ASAP1: variants seen among roughly 807,000 people sequenced by gnomAD.
The protein encoded by ASAP1 is arf-GAP with SH3 domain, ANK repeat and PH domain-containing protein 1.
In ASAP1, 43 loss-of-function variants were observed where a neutral mutation model predicts 145.2. The observed-to-expected ratio is 0.30, with a 90% CI of 0.23 to 0.38. ASAP1 has a LOEUF of 0.38. ASAP1 is among the 10% of genes least tolerant of loss of function. The pLI is 1.00. For synonymous variants in ASAP1, 546 were observed against 515.5 expected (o/e 1.06, Z -0.80); for missense variants, 1,018 against 1,355.3 (o/e 0.75, Z 3.91).
At chr8:130,434,377 C>T (rs537219393) in intron 1 of ASAP1, among the ~76,000 whole-genome samples, 180 of 152,190 alleles carry the variant, frequency 1.2e-3, no homozygotes, top group African/African-American at 3.9e-3. Flanking sequence ...ACTATATGAC[C>T]TCAGGGAAGT....
At chr8:130,383,849 A>G (rs1399575660) in intron 2 of ASAP1, among the ~76,000 whole-genome samples, 1 of 152,174 alleles carries the variant, frequency 6.6e-6, no homozygotes, top group Non-Finnish European at 1.5e-5. Context: ...TAACTGATAC[A>G]GAAGAGCACC....
intron 5 of ASAP1, among the ~76,000 whole-genome samples, chr8:130,214,210 A>G (rs1816752483): frequency 6.6e-6 from 1 of 152,204 alleles, no homozygotes. Flanking sequence ...TTAAAAAGCA[A>G]AAGTTGCTAA....
chr8:130,232,621 T>C (rs16904223), intron 4 of ASAP1, among the ~76,000 whole-genome samples: 27,846 of 150,972 alleles, frequency 0.18, 3,196 homozygotes, highest in East Asian at 0.44. Context: ...AGACAATTTG[T>C]TTAAAAAAAA....
Position 130,053,391 on chromosome 8 carries a change from A to T in ASAP1, c.*1340T>A, listed in dbSNP as rs977672184. On this transcript the variant is annotated 3_prime_UTR_variant, in exon 30 of 30. Transcript: ENST00000518721. ...TCCAAAATTCAGACTGATGTAAAAG[A>T]CTGAAATACAATGTTCTTAAGGATC... 2.6e-5 allele frequency: 4 copies of T among 152,238 alleles called. No individual in the cohort carries two copies. The highest frequency in any genetic ancestry group is 2.0e-4 in the Admixed American group (3 of 15,280). 9.4% of individuals were successfully genotyped at this position (152,238 alleles called of 1,614,324 possible).
At chr8:130,279,181 G>A (rs779034041) in intron 3 of ASAP1, among the ~76,000 whole-genome samples, 2 of 152,056 alleles carry the variant, frequency 1.3e-5, no homozygotes, top group African/African-American at 2.4e-5. Context: ...AGAAGTACAC[G>A]AATCCTACAC....
intron 4 of ASAP1, among the ~76,000 whole-genome samples, chr8:130,228,433 T>A (rs1208874201): frequency 1.3e-5 from 2 of 152,040 alleles, no homozygotes; most frequent in Non-Finnish European, 2.9e-5. Flanking sequence ...CCAGGAGCAG[T>A]GGCTTACGCT....
chr8:130,266,295 G>A (rs776357891), intron 3 of ASAP1, among the ~76,000 whole-genome samples: 11 of 152,074 alleles, frequency 7.2e-5, no homozygotes, highest in Non-Finnish European at 1.5e-4. Context: ...CACCTGAGTG[G>A]AATCCACTCT....
intron 22 of ASAP1, among the ~76,000 whole-genome samples, chr8:130,116,228 A>G (rs1442189310): frequency 6.6e-6 from 1 of 152,226 alleles, no homozygotes; most frequent in Non-Finnish European, 1.5e-5. Flanking sequence ...CTGACTTGCT[A>G]AGCAAGAACT....
Position 130,259,002 on chromosome 8 carries a change from G to A in ASAP1, c.187-22008C>T, listed in dbSNP as rs1239002246. 6.8e-4 allele frequency among the ~76,000 whole-genome samples: 104 copies of A among 151,986 alleles called. 2 individuals carry two copies. Among genetic ancestry groups the A allele is most frequent in the Non-Finnish European group, 2.9e-5 (2 of 68,020 alleles). On this transcript the variant is annotated intron_variant, in intron 3 of 29. Coordinates refer to ENST00000518721, the MANE Select transcript of ASAP1 (RefSeq NM_018482.4). ...AAAAATAAATTCCAGAGGAGCATGT[G>A]TCCATTTGCTTATGGTATTTTAATT...
At chr8:130,423,935 G>A (rs547273839) in intron 1 of ASAP1, among the ~76,000 whole-genome samples, 4 of 152,254 alleles carry the variant, frequency 2.6e-5, no homozygotes, top group African/African-American at 9.6e-5. Context: ...GACTGCTAAT[G>A]AGTATGGATG....
chr8:130,430,692 C>T (rs557106841), intron 1 of ASAP1, among the ~76,000 whole-genome samples: 1 of 152,144 alleles, frequency 6.6e-6, no homozygotes, highest in East Asian at 1.9e-4. Flanking sequence ...GAACACTGAC[C>T]CGAGGCAGGA....
rs947158645 is a variant in ASAP1 at position 130,189,777 on chromosome 8, C to T, written c.406-1594G>A. On this transcript the variant is annotated intron_variant, in intron 5 of 29. Transcript: ENST00000518721. ...TACTAATTTATATTACCACCAACAG[C>T]GTATGAGAGTTCCCCTTTCTCTGCA... Among the ~76,000 whole-genome samples, 7 of 152,134 alleles carry T rather than the reference C, an allele frequency of 4.6e-5. No homozygotes were observed. In the East Asian group the frequency reaches 7.7e-4, roughly 17 times the overall value.
At chr8:130,070,059 C>T (rs544479858) in intron 27 of ASAP1, among the ~76,000 whole-genome samples, 18 of 152,062 alleles carry the variant, frequency 1.2e-4, no homozygotes, top group African/African-American at 4.1e-4. Context: ...GTTTTTGAGA[C>T]GGAGTCTCAC....
At chr8:130,407,414 G>A (rs17215817) in intron 1 of ASAP1, among the ~76,000 whole-genome samples, 57,319 of 152,088 alleles carry the variant, frequency 0.38, 12,344 homozygotes, top group African/African-American at 0.59. Flanking sequence ...TGTGTGAATG[G>A]GCACTGTCTG....
chr8:130,258,720 T>A (rs1011457471), intron 3 of ASAP1, among the ~76,000 whole-genome samples: 2 of 152,194 alleles, frequency 1.3e-5, no homozygotes, highest in Non-Finnish European at 2.9e-5. Context: ...ATAGTACTTA[T>A]CAGTTCTGAG....
chr8:130,169,380 T>C (rs1813426718), intron 9 of ASAP1, among the ~76,000 whole-genome samples: 1 of 152,200 alleles, frequency 6.6e-6, no homozygotes, highest in Non-Finnish European at 1.5e-5. Context: ...TATGCATCTA[T>C]ACATAGAACA....
chr8:130,117,620 A>C (rs1328425599), intron 20 of ASAP1, among the ~76,000 whole-genome samples: 1 of 152,082 alleles, frequency 6.6e-6, no homozygotes, highest in Non-Finnish European at 1.5e-5. Context: ...TCCTATATTC[A>C]CTCTTATACT....
At chr8:130,117,743 T>C (rs1349307782) in intron 20 of ASAP1, among the ~76,000 whole-genome samples, 1 of 152,256 alleles carries the variant, frequency 6.6e-6, no homozygotes, top group African/African-American at 2.4e-5. Flanking sequence ...TGACCTGTGC[T>C]GTTAAGTCTT....
intron 5 of ASAP1, among the ~76,000 whole-genome samples, chr8:130,206,261 T>TA (rs1446956527): frequency 3.2e-4 from 48 of 152,090 alleles, no homozygotes; most frequent in Admixed American, 3.1e-3. Flanking sequence ...TTTTAAAAGA[T>TA]AAGGTTTTAA....
Sources: allele counts gnomAD v4.1 joint callset (sites outside exome capture counted in the v4.1 genomes callset), GRCh38; gene constraint gnomAD v4.1.1; transcripts MANE v1.5; gene names NCBI Gene and HGNC (gene_info 2026-07-23, HGNC 2026-07-21).